SNX22: variants seen among roughly 807,000 people sequenced by gnomAD.
SNX22 encodes sorting nexin 22.
SNX22 carries 23 observed loss-of-function variants against 24.7 expected under a neutral mutation model. The ratio of observed to expected loss-of-function variants is 0.93; its 90% CI spans 0.67 to 1.32. The LOEUF (loss-of-function observed/expected upper bound fraction) is 1.32. SNX22 is among the 40% of genes most tolerant of loss of function. SNX22 has a pLI of 0.00. For missense variants in SNX22, 261 were observed against 249.9 expected, an observed-to-expected ratio of 1.04 and a Z score of -0.30; for synonymous variants, 99 against 104.0, an observed-to-expected ratio of 0.95 and a Z score of 0.29.
chr15:64,152,343 C>T lies in SNX22; in HGVS notation c.159+17C>T. 1.3e-6 allele frequency: 2 copies of T among 1,503,802 alleles called. No homozygotes were observed. The highest frequency in any genetic ancestry group is 2.8e-5 in the African/African-American group (2 of 70,730). The allele number at this position is 1,503,802 out of a possible 1,614,324, so 93.2% of individuals were successfully genotyped here. A position where few individuals can be genotyped will look rare whatever the true frequency, so the allele number is the denominator to read the frequency against. On this transcript the variant is annotated intron_variant, in intron 2 of 6. Transcript: ENST00000325881. ...CACAAGCGGGTGAGGCGGCGCCGAC[C>T]TCCCACCGGCCCCGGCCCAGCCTCT...
chr15:64,153,402 G>A (rs895673364), intron 4 of SNX22, 63 bp downstream of exon 4: 15 of 1,605,720 alleles, frequency 9.3e-6, no homozygotes, highest in Admixed American at 1.7e-5. Context: ...GAAAGGTGTT[G>A]GAGGGCAAGC....
At position 64,154,847 on chromosome 15, in the gene SNX22, GACC is replaced by G. The variant is rs1384091766; in HGVS notation, c.*344_*346del. ...GAAGTCAGGAGTTCGAGACCAGCCT[GACC>G]ACCATGGAGAAACCCCGTCTCTACT... On this transcript the variant is annotated 3_prime_UTR_variant, in exon 7 of 7. Coordinates refer to ENST00000325881, the MANE Select transcript of SNX22 (RefSeq NM_024798.3). 4 of 186,058 alleles carry G rather than the reference GACC, an allele frequency of 2.1e-5. No homozygotes were observed. Among genetic ancestry groups the G allele is most frequent in the African/African-American group, 9.4e-5 (4 of 42,372 alleles). The allele number at this position is 186,058 out of a possible 1,614,324, so 11.5% of individuals were successfully genotyped here.
Position 64,156,451 on chromosome 15 carries a change from CCTCA to C in SNX22, c.*1944_*1947del, listed in dbSNP as rs2081532141. 4 of 617,220 alleles carry C rather than the reference CCTCA, an allele frequency of 6.5e-6. No homozygotes were observed. In the South Asian group the frequency reaches 7.6e-5, roughly 12 times the overall value. 38.2% of individuals were successfully genotyped at this position (617,220 alleles called of 1,614,324 possible). The stretch of plus-strand genomic sequence containing the variant: ...ATTGCGTTCAGCTGCACTCTGTATA[CCTCA>C]GGGGTGGGACCAGCACGTCACTGAG... On this transcript the variant is annotated 3_prime_UTR_variant, in exon 7 of 7. Coordinates refer to ENST00000325881, the MANE Select transcript of SNX22 (RefSeq NM_024798.3). The surrounding 1 kb of genome is among the most constrained non-coding windows in gnomAD (Gnocchi z 6.4).
At chr15:64,154,039 G>T in intron 6 of SNX22, 37 bp downstream of exon 6, 2 of 1,614,104 alleles carry the variant, frequency 1.2e-6, no homozygotes, top group South Asian at 2.2e-5. Context: ...ACAGGGCTGG[G>T]TTGTGGGCTT....
Position 64,155,820 on chromosome 15 carries a change from T to TTAA in SNX22, c.*1312_*1313insTAA. 21 of 531,922 alleles carry TTAA rather than the reference T, an allele frequency of 3.9e-5. No individual in the cohort carries two copies. The highest frequency in any genetic ancestry group is 5.1e-5 in the Non-Finnish European group (16 of 310,842). 33.0% of individuals were successfully genotyped at this position (531,922 alleles called of 1,614,324 possible). ...AGAACCAGGCCCACACATTATATAT[T>TTAA]AAAAAAAAAAAAACCCACATTTTTT... On this transcript the variant is annotated 3_prime_UTR_variant, in exon 7 of 7. Coordinates refer to ENST00000325881, the MANE Select transcript of SNX22 (RefSeq NM_024798.3).
At chr15:64,153,090 C>A (rs530809123) in intron 3 of SNX22, 155 bp from the exon 4 acceptor site, 2 of 890,980 alleles carry the variant, frequency 2.2e-6, no homozygotes, top group Non-Finnish European at 3.4e-6. Flanking sequence ...GCACACAGCG[C>A]CCAGCGCCCA....
chr15:64,155,833 A>AAAC lies in SNX22; in HGVS notation c.*1325_*1326insAAC. On this transcript the variant is annotated 3_prime_UTR_variant, in exon 7 of 7. Transcript: ENST00000325881. The stretch of plus-strand genomic sequence containing the variant: ...CACATTATATATTAAAAAAAAAAAA[A>AAAC]CCCACATTTTTTTTTATTGGTCAGT... 1.3e-6 allele frequency: 1 copy of AAAC among 792,736 alleles called. No homozygotes were observed. 49.1% of individuals were successfully genotyped at this position (792,736 alleles called of 1,614,324 possible).
chr15:64,152,379 C>T (rs1295598318), intron 2 of SNX22, 53 bp downstream of exon 2: 21 of 1,469,630 alleles, frequency 1.4e-5, no homozygotes, highest in South Asian at 2.7e-5. Flanking sequence ...GTCCAGCCCC[C>T]GCCCAGGCCC....
rs909646022 is a variant in SNX22, at chr15:64,155,260, G to A, written c.*752G>A. On this transcript the variant is annotated 3_prime_UTR_variant, in exon 7 of 7. Transcript: ENST00000325881. ...TTACGGGCGTGAGCCACCGTGCTCGGCCCAAGGCAGGAGAATCTCTTGAAG... is the reference window on the plus strand; with the variant it reads ...TTACGGGCGTGAGCCACCGTGCTCGACCCAAGGCAGGAGAATCTCTTGAAG... 6.6e-6 allele frequency: 1 copy of A among 152,548 alleles called. No homozygotes were observed. The highest frequency in any genetic ancestry group is 1.5e-5 in the Non-Finnish European group (1 of 68,480). The allele number at this position is 152,548 out of a possible 1,614,324, so 9.4% of individuals were successfully genotyped here. A position where few individuals can be genotyped will look rare whatever the true frequency, so the allele number is the denominator to read the frequency against.
In SNX22 at chr15:64,153,333, A is replaced by G. The variant is rs199836540; in HGVS notation, c.353A>G (p.Asn118Ser). Residue 118 changes from asparagine (N) to serine (S), a missense_variant, in exon 4 of 7, where the codon AAC becomes AGC. Asn to Ser is a conservative substitution (Grantham distance 46, BLOSUM62 1). Coordinates refer to ENST00000325881, the MANE Select transcript of SNX22 (RefSeq NM_024798.3). The part of the protein sequence containing the change: ...RHFPTDPKAS[N>S]WGTLREFLPG... ...TTCCCCACAGACCCCAAGGCTAGCAACTGGGGGTAAGGGGGGCCGATGGCG... is the reference window on the plus strand; with the variant it reads ...TTCCCCACAGACCCCAAGGCTAGCAGCTGGGGGTAAGGGGGGCCGATGGCG... The G allele has an allele frequency of 8.2e-5, 133 of 1,612,872 alleles. No homozygotes were observed. The highest frequency in any genetic ancestry group is 3.3e-4 in the Middle Eastern group (2 of 6,060).
At chr15:64,152,077 G>A in intron 1 of SNX22, 166 bp from the exon 2 acceptor site, 1 of 784,540 alleles carries the variant, frequency 1.3e-6, no homozygotes, top group Non-Finnish European at 1.9e-6. Flanking sequence ...TCCGCCAGCC[G>A]GTTCTCCCAG....
At chr15:64,154,195 A>G in intron 6 of SNX22, 192 bp from the exon 7 acceptor site, 2 of 1,573,788 alleles carry the variant, frequency 1.3e-6, no homozygotes, top group Admixed American at 1.9e-5. Context: ...CCATTTCTTC[A>G]GCAGCCTGAC....
Position 64,156,680 on chromosome 15 carries a change from C to T in SNX22, c.*2172C>T. ...CCTGCCCTGGGGTCTGTGTTGAATC[C>T]CCGGTGAGGATTGCCCAGTAGTAGC... On this transcript the variant is annotated 3_prime_UTR_variant, in exon 7 of 7. Coordinates refer to ENST00000325881, the MANE Select transcript of SNX22 (RefSeq NM_024798.3). The surrounding 1 kb of genome is among the most constrained non-coding windows in gnomAD (Gnocchi z 6.4). 1 of 1,610,306 alleles carries T rather than the reference C, an allele frequency of 6.2e-7. No homozygotes were observed.
intron 6 of SNX22, 29 bp downstream of exon 6, chr15:64,154,031 A>G: frequency 6.2e-7 from 1 of 1,614,086 alleles, no homozygotes; most frequent in Non-Finnish European, 8.5e-7. Context: ...ATGGGGCTAC[A>G]GGGCTGGGTT....
chr15:64,156,292 C>T lies in SNX22; in HGVS notation c.*1784C>T. The stretch of plus-strand genomic sequence containing the variant: ...CTGGAGGCACCAAAATTCTAACAGA[C>T]TCCTGGCCAGAGCAGGGAGAATGCA... On this transcript the variant is annotated 3_prime_UTR_variant, in exon 7 of 7. Coordinates refer to ENST00000325881, the MANE Select transcript of SNX22 (RefSeq NM_024798.3). The surrounding 1 kb of genome is among the most constrained non-coding windows in gnomAD (Gnocchi z 6.4). 1 of 1,041,244 alleles carries T rather than the reference C, an allele frequency of 9.6e-7. No homozygotes were observed. Among genetic ancestry groups the T allele is most frequent in the Non-Finnish European group, 1.4e-6 (1 of 690,934 alleles). 64.5% of individuals were successfully genotyped at this position (1,041,244 alleles called of 1,614,324 possible). A position where few individuals can be genotyped will look rare whatever the true frequency, so the allele number is the denominator to read the frequency against.
rs2081532853 is a variant in SNX22, at chr15:64,156,521, C to T, written c.*2013C>T. ...AGGCTCTGGCAGTTGTGCAGCCTTC[C>T]TGGCTGGGCTCTGAGGGGGCTGGAA... On this transcript the variant is annotated 3_prime_UTR_variant, in exon 7 of 7. Coordinates refer to ENST00000325881, the MANE Select transcript of SNX22 (RefSeq NM_024798.3). The surrounding 1 kb of genome is among the most constrained non-coding windows in gnomAD (Gnocchi z 6.4). 1.4e-6 allele frequency: 1 copy of T among 700,920 alleles called. No homozygotes were observed. The highest frequency in any genetic ancestry group is 2.3e-5 in the Admixed American group (1 of 42,816). 43.4% of individuals were successfully genotyped at this position (700,920 alleles called of 1,614,324 possible).
chr15:64,155,833 AC>A lies in SNX22; in HGVS notation c.*1328del. The A allele has an allele frequency of 1.3e-6, 1 of 792,736 alleles. No homozygotes were observed. The highest frequency in any genetic ancestry group is 1.7e-5 in the South Asian group (1 of 58,918). The allele number at this position is 792,736 out of a possible 1,614,324, so 49.1% of individuals were successfully genotyped here. A position where few individuals can be genotyped will look rare whatever the true frequency, so the allele number is the denominator to read the frequency against. On this transcript the variant is annotated 3_prime_UTR_variant, in exon 7 of 7. Coordinates refer to ENST00000325881, the MANE Select transcript of SNX22 (RefSeq NM_024798.3). Reference sequence around the variant, plus strand: ...CACATTATATATTAAAAAAAAAAAAACCCACATTTTTTTTTATTGGTCAGTG... The same window carrying A: ...CACATTATATATTAAAAAAAAAAAAACCACATTTTTTTTTATTGGTCAGTG...
Position 64,156,104 on chromosome 15 carries a change from C to T in SNX22, c.*1596C>T. On this transcript the variant is annotated 3_prime_UTR_variant, in exon 7 of 7. Transcript: ENST00000325881. This position sits in a 1 kb window ranked among gnomAD's most constrained non-coding sequence, Gnocchi z 6.4. ...TGATCACATCCTTCAGGGGTTTATC[C>T]CGGCTGTCTGTCTTGGTGCTCTCCA... 6 of 1,614,158 alleles carry T rather than the reference C, an allele frequency of 3.7e-6. No individual in the cohort carries two copies. The highest frequency in any genetic ancestry group is 3.4e-6 in the Non-Finnish European group (4 of 1,180,034).
rs759317254 is a variant in SNX22 at position 64,154,956 on chromosome 15, CTTTTT to C, written c.*468_*472del. 9.8e-5 allele frequency: 8 copies of C among 81,544 alleles called. No individual in the cohort carries two copies. Among genetic ancestry groups the C allele is most frequent in the South Asian group, 4.2e-4 (1 of 2,398 alleles). 5.1% of individuals were successfully genotyped at this position (81,544 alleles called of 1,614,324 possible). A position where few individuals can be genotyped will look rare whatever the true frequency, so the allele number is the denominator to read the frequency against. Reference sequence around the variant, plus strand: ...TCGGGAAGCTGAGGTAGGAGAATCTCTTTTTTTTTTTTTTTTTTTTTTTTGAGACG... The same window carrying C: ...TCGGGAAGCTGAGGTAGGAGAATCTCTTTTTTTTTTTTTTTTTTTGAGACG... On this transcript the variant is annotated 3_prime_UTR_variant, in exon 7 of 7. Coordinates refer to ENST00000325881, the MANE Select transcript of SNX22 (RefSeq NM_024798.3).
Sources: gnomAD v4.1 joint callset for allele counts on GRCh38, gnomAD v4.1.1 for gene constraint, Gnocchi (gnomAD v3.1) non-coding constraint, MANE v1.5 for transcripts, NCBI Gene and HGNC (gene_info 2026-07-23, HGNC 2026-07-21) for gene names.